PIBF1: variants seen among roughly 807,000 people sequenced by gnomAD.
PIBF1 encodes the protein progesterone-induced-blocking factor 1.
A neutral mutation model predicts 112.5 loss-of-function variants in PIBF1; 90 were observed. The observed-to-expected ratio is 0.80, with a 90% CI of 0.67 to 0.95. The LOEUF is 0.95. Among genes scored for constraint, PIBF1 ranks in the 40% least tolerant of loss-of-function variants. The pLI is 0.00. For missense variants in PIBF1, 915 were observed against 852.3 expected (o/e 1.07, Z -0.92); for synonymous variants, 301 against 288.6 (o/e 1.04, Z -0.44).
chr13:72,784,627 G>C (rs936087443), intron 2 of PIBF1, among the ~76,000 whole-genome samples: 1 of 151,652 alleles, frequency 6.6e-6, no homozygotes, highest in African/African-American at 2.4e-5. Flanking sequence ...GCGTAGTGGT[G>C]CTGCGCCTGC....
At chr13:72,862,208 G>A (rs1488874455) in intron 10 of PIBF1, among the ~76,000 whole-genome samples, 1 of 152,164 alleles carries the variant, frequency 6.6e-6, no homozygotes. Flanking sequence ...GAAGAGGATG[G>A]GAAACAGCAA....
chr13:72,819,177 C>T (rs1034771732), intron 5 of PIBF1, among the ~76,000 whole-genome samples: 5 of 151,950 alleles, frequency 3.3e-5, no homozygotes, highest in East Asian at 1.9e-4. Flanking sequence ...TTTGTGAAGC[C>T]GTAGGGTAAG....
chr13:72,988,197 A>G (rs903707755), intron 16 of PIBF1, among the ~76,000 whole-genome samples: 11 of 152,106 alleles, frequency 7.2e-5, no homozygotes, highest in Middle Eastern at 3.4e-3. Flanking sequence ...TCTTCTCTTC[A>G]AAATTAAAGT....
chr13:72,847,474 A>G (rs552567272), intron 9 of PIBF1, among the ~76,000 whole-genome samples: 1 of 152,322 alleles, frequency 6.6e-6, no homozygotes, highest in Admixed American at 6.5e-5. Context: ...GGGGGAGCCA[A>G]ACTCACCCTT....
intron 14 of PIBF1, among the ~76,000 whole-genome samples, chr13:72,933,077 G>A (rs2041759536): frequency 8.9e-6 from 1 of 112,440 alleles, no homozygotes; most frequent in Non-Finnish European, 1.8e-5. Flanking sequence ...ACACTGCTAG[G>A]TGGAAGCAGA....
Position 72,863,517 on chromosome 13 carries a change from G to A in PIBF1, c.1322+9362G>A, listed in dbSNP as rs181562486. Among the ~76,000 whole-genome samples the A allele has an allele frequency of 6.0e-4, 91 of 151,918 alleles. No individual in the cohort carries two copies. The East Asian group carries it at 0.016, about 27-fold the overall frequency. ...ATGAAAAAAAAAAAAAATTATCCAG[G>A]CGTGGTGGTGGGCACCTGTAGTCCT... On this transcript the variant is annotated intron_variant, in intron 10 of 17. Transcript: ENST00000326291.
At chr13:72,852,595 G>A (rs1293751169) in intron 9 of PIBF1, among the ~76,000 whole-genome samples, 1 of 152,132 alleles carries the variant, frequency 6.6e-6, no homozygotes, top group Non-Finnish European at 1.5e-5. Flanking sequence ...GGGCAAAGGC[G>A]CCACTGGCCA....
intron 3 of PIBF1, among the ~76,000 whole-genome samples, chr13:72,794,792 A>G (rs2035109012): frequency 6.6e-6 from 1 of 152,224 alleles, no homozygotes; most frequent in South Asian, 2.1e-4. Context: ...AGTCTTGGGT[A>G]TGTCTTTATT....
At chr13:72,928,496 A>G (rs931518169) in intron 13 of PIBF1, among the ~76,000 whole-genome samples, 1 of 152,058 alleles carries the variant, frequency 6.6e-6, no homozygotes, top group African/African-American at 2.4e-5. Flanking sequence ...CTGGAGTGTG[A>G]TGGCACCATC....
intron 9 of PIBF1, among the ~76,000 whole-genome samples, chr13:72,838,778 A>G (rs775782867): frequency 2.0e-5 from 3 of 152,214 alleles, no homozygotes; most frequent in Non-Finnish European, 4.4e-5. Context: ...ACTCAAATAT[A>G]GAAGTACGGA....
intron 9 of PIBF1, chr13:72,836,253 C>A: frequency 3.2e-6 from 1 of 317,332 alleles, no homozygotes; most frequent in Non-Finnish European, 6.3e-6. Context: ...TTATTATAGT[C>A]AGTGTGGTTT....
At chr13:72,877,436 G>A (rs1221176683) in intron 10 of PIBF1, among the ~76,000 whole-genome samples, 1 of 152,130 alleles carries the variant, frequency 6.6e-6, no homozygotes. Context: ...CTAGCCTCTG[G>A]TGGATACTGT....
At chr13:72,959,661 GA>G (rs1295957693) in intron 14 of PIBF1, among the ~76,000 whole-genome samples, 1 of 152,114 alleles carries the variant, frequency 6.6e-6, no homozygotes, top group Non-Finnish European at 1.5e-5. Context: ...TAGTTTATTT[GA>G]ATTTTAAGAG....
intron 14 of PIBF1, among the ~76,000 whole-genome samples, chr13:72,932,164 G>C (rs796575000): frequency 1.6e-4 from 24 of 151,966 alleles, no homozygotes; most frequent in African/African-American, 5.8e-4. Context: ...GGCTAGTCTA[G>C]AACTTCTGGG....
At chr13:72,975,301 C>T (rs1057166798) in intron 16 of PIBF1, among the ~76,000 whole-genome samples, 2 of 151,952 alleles carry the variant, frequency 1.3e-5, no homozygotes, top group Non-Finnish European at 2.9e-5. Context: ...AGTGATCTGC[C>T]CGCCTCAATC....
chr13:72,860,308 GGTGTGTGTGTGTGT>G lies in PIBF1; in HGVS notation c.1322+6185_1322+6198del, dbSNP rs3219561. 1.4e-3 allele frequency among the ~76,000 whole-genome samples: 194 copies of G among 143,236 alleles called. 1 individual carries two copies. The highest frequency in any genetic ancestry group is 3.5e-3 in the African/African-American group (137 of 39,244). The allele number at this position is 143,236 out of a possible 152,430, so 94.0% of individuals were successfully genotyped here. A position where few individuals can be genotyped will look rare whatever the true frequency, so the allele number is the denominator to read the frequency against. On this transcript the variant is annotated intron_variant, in intron 10 of 17. Transcript: ENST00000326291. The stretch of plus-strand genomic sequence containing the variant: ...TTCGCTTTCCCTGTGTTTTTTTAGG[GGTGTGTGTGTGTGT>G]GTGTGTGTGTGTGTGTGTGTGTGTG...
At chr13:72,982,080 CAG>C (rs1362761239) in intron 16 of PIBF1, among the ~76,000 whole-genome samples, 8 of 152,164 alleles carry the variant, frequency 5.3e-5, no homozygotes, top group Non-Finnish European at 1.2e-4. Context: ...TGGAATATAA[CAG>C]AACTCAATGA....
chr13:72,836,265 TG>T (rs1303291001), intron 9 of PIBF1: 1 of 319,140 alleles, frequency 3.1e-6, no homozygotes, highest in African/African-American at 2.2e-5. Flanking sequence ...GTGTGGTTTT[TG>T]AAAGTTTATA....
At chr13:72,907,244 A>G (rs78197542) in intron 11 of PIBF1, among the ~76,000 whole-genome samples, 3,379 of 152,026 alleles carry the variant, frequency 0.022, 132 homozygotes, top group African/African-American at 0.077. Context: ...ATGATCTGAA[A>G]TAAGTTAAGG....
Sources: gnomAD v4.1 joint callset for allele counts (sites outside exome capture counted in the v4.1 genomes callset) on GRCh38, gnomAD v4.1.1 for gene constraint, MANE v1.5 for transcripts, NCBI Gene and HGNC (gene_info 2026-07-23, HGNC 2026-07-21) for gene names.